TUBA1C: variants seen among roughly 807,000 people sequenced by gnomAD.
TUBA1C encodes the protein tubulin alpha-1C chain.
Under a neutral mutation model 34.9 loss-of-function variants are expected in TUBA1C, and 16 were observed. That is an observed-to-expected ratio of 0.46 (90% CI 0.31 to 0.70). The LOEUF (loss-of-function observed/expected upper bound fraction) is 0.70, where lower values mean the gene tolerates loss of function less well. TUBA1C is among the 30% of genes least tolerant of loss of function. The pLI, the probability that TUBA1C is intolerant of heterozygous loss-of-function variation, is 0.05. For missense variants in TUBA1C, 329 were observed against 587.3 expected (o/e 0.56, Z 4.55); for synonymous variants, 177 against 215.9 (o/e 0.82, Z 1.58).
upstream of TUBA1C, among the ~76,000 whole-genome samples, chr12:49,260,878 C>A (rs907673784): frequency 6.6e-6 from 1 of 152,078 alleles, no homozygotes; most frequent in South Asian, 2.1e-4. Context: ...GACAGGCACA[C>A]ACCACCATGT....
rs537291300 is a variant in TUBA1C at position 49,272,894 on chromosome 12, T to C, written c.1017T>C (p.Arg339=). The C allele has an allele frequency of 4.3e-6, 7 of 1,614,210 alleles. No homozygotes were observed. Among genetic ancestry groups the C allele is most frequent in the African/African-American group, 1.3e-5 (1 of 75,064 alleles). The change falls in exon 4 of 4, where the codon CGT becomes CGC. Residue 339 remains arginine (R), a synonymous_variant. Transcript: ENST00000301072. ...NAAIATIKTK[R]TIQFVDWCPT... ...CCATTGCCACCATCAAAACCAAGCG[T>C]ACCATCCAGTTTGTGGATTGGTGCC...
chr12:49,256,816 T>C (rs1196700921), intron 1 of TUBA1C, among the ~76,000 whole-genome samples: 1 of 147,574 alleles, frequency 6.8e-6, no homozygotes, highest in Non-Finnish European at 1.5e-5. Flanking sequence ...TTTTGATGAT[T>C]TGGGGAAATA....
At chr12:49,256,296 T>G (rs1259936282) in intron 1 of TUBA1C, 1 of 349,130 alleles carries the variant, frequency 2.9e-6, no homozygotes, top group African/African-American at 2.1e-5. Context: ...TTTGGTTTAT[T>G]ATCAGTCATT....
At chr12:49,242,419 A>G (rs760772879) in intron 1 of TUBA1C, among the ~76,000 whole-genome samples, 2 of 152,148 alleles carry the variant, frequency 1.3e-5, no homozygotes, top group African/African-American at 2.4e-5. Flanking sequence ...GGCCAAACCA[A>G]TCAGTCAAAT....
At chr12:49,243,351 G>A (rs2136995530) in intron 1 of TUBA1C, among the ~76,000 whole-genome samples, 1 of 152,098 alleles carries the variant, frequency 6.6e-6, no homozygotes, top group East Asian at 1.9e-4. Context: ...TAAGGCGGGA[G>A]AATTGGTTGA....
chr12:49,269,771 C>A, intron 2 of TUBA1C, 57 bp from the exon 3 acceptor site: 6 of 1,613,578 alleles, frequency 3.7e-6, no homozygotes, highest in Middle Eastern at 1.7e-4. Flanking sequence ...TGGTCACTCA[C>A]CCACTCTCCC....
At chr12:49,228,980 T>C (rs1189584880) in intron 1 of TUBA1C, among the ~76,000 whole-genome samples, 1 of 152,216 alleles carries the variant, frequency 6.6e-6, no homozygotes, top group Non-Finnish European at 1.5e-5. Context: ...CTTCCAAGTC[T>C]ATTGAACTTC....
chr12:49,271,850 C>G (rs1306109951), intron 3 of TUBA1C, among the ~76,000 whole-genome samples: 3 of 152,254 alleles, frequency 2.0e-5, no homozygotes, highest in African/African-American at 7.2e-5. Flanking sequence ...TGTATGCAAG[C>G]CCAGGCCTTG....
Position 49,274,242 on chromosome 12 carries a change from C to T in TUBA1C, c.*1015C>T, listed in dbSNP as rs372628065. On this transcript the variant is annotated 3_prime_UTR_variant, in exon 4 of 4. Coordinates refer to ENST00000301072, the MANE Select transcript of TUBA1C (RefSeq NM_032704.5). Reference sequence around the variant, plus strand: ...CTCCCACCTCAGCCTCCCAAGTAGCCAGGACTACAGGTGTGTTCCACCATG... The same window carrying T: ...CTCCCACCTCAGCCTCCCAAGTAGCTAGGACTACAGGTGTGTTCCACCATG... 1.3e-5 allele frequency: 2 copies of T among 150,126 alleles called. No homozygotes were observed. The highest frequency in any genetic ancestry group is 2.9e-5 in the Non-Finnish European group (2 of 67,894). The allele number at this position is 150,126 out of a possible 1,614,324, so 9.3% of individuals were successfully genotyped here.
At chr12:49,227,993 G>A (rs949790220) in exon 1 of TUBA1C, 16 of 1,535,714 alleles carry the variant, frequency 1.0e-5, no homozygotes, top group Non-Finnish European at 1.3e-5. Context: ...GCTAGGGAGG[G>A]ATGAGTGCTT....
intron 1 of TUBA1C, among the ~76,000 whole-genome samples, chr12:49,247,368 C>T (rs1379266544): frequency 6.9e-6 from 1 of 144,456 alleles, no homozygotes; most frequent in Non-Finnish European, 1.6e-5. Flanking sequence ...ACCAGCCTGA[C>T]CAATATGGTG....
At chr12:49,267,948 T>G (rs1942937245) in intron 1 of TUBA1C, among the ~76,000 whole-genome samples, 1 of 152,388 alleles carries the variant, frequency 6.6e-6, no homozygotes, top group Non-Finnish European at 1.5e-5. Flanking sequence ...TGTTTTCCTG[T>G]TAAGTCTGTG....
chr12:49,257,149 CAA>C (rs199657602), intron 1 of TUBA1C, among the ~76,000 whole-genome samples: 10 of 92,342 alleles, frequency 1.1e-4, no homozygotes, highest in Non-Finnish European at 9.0e-5. Flanking sequence ...CACTCCATCT[CAA>C]AAAAAAAAAA....
intron 1 of TUBA1C, among the ~76,000 whole-genome samples, chr12:49,256,233 A>C (rs564510898): frequency 1.3e-5 from 2 of 152,372 alleles, no homozygotes; most frequent in Admixed American, 1.3e-4. Context: ...CAGGCTGTGT[A>C]GCTTGTCAGG....
At chr12:49,265,602 A>C (rs1942897038) in intron 1 of TUBA1C, among the ~76,000 whole-genome samples, 1 of 152,178 alleles carries the variant, frequency 6.6e-6, no homozygotes, top group South Asian at 2.1e-4. Flanking sequence ...TCCCGCACCG[A>C]CGGTGCAGCA....
chr12:49,227,981 G>A (rs1942457646), exon 1 of TUBA1C: 2 of 1,535,610 alleles, frequency 1.3e-6, no homozygotes, highest in African/African-American at 1.4e-5. Context: ...TGGGGTGGAG[G>A]AGCTAGGGAG....
chr12:49,272,177 CCT>C, intron 3 of TUBA1C, 74 bp from the exon 4 acceptor site: 1 of 1,533,304 alleles, frequency 6.5e-7, no homozygotes. Flanking sequence ...TTATAGAAGT[CCT>C]CTGTAGGTTT....
chr12:49,235,048 C>T (rs187620138), intron 1 of TUBA1C, among the ~76,000 whole-genome samples: 6 of 151,364 alleles, frequency 4.0e-5, no homozygotes, highest in African/African-American at 1.5e-4. Flanking sequence ...GAATTCCTGT[C>T]CTCGTGATCC....
At chr12:49,267,225 G>A (rs1942926507) in intron 1 of TUBA1C, among the ~76,000 whole-genome samples, 1 of 152,190 alleles carries the variant, frequency 6.6e-6, no homozygotes, top group East Asian at 1.9e-4. Context: ...AATAGAAACG[G>A]CATTTAAACA....
Sources: gnomAD v4.1 joint callset for allele counts (sites outside exome capture counted in the v4.1 genomes callset) on GRCh38, gnomAD v4.1.1 for gene constraint, MANE v1.5 for transcripts, NCBI Gene and HGNC (gene_info 2026-07-23, HGNC 2026-07-21) for gene names.